The following MAP4K5 variants were observed in gnomAD, a reference collection of about 807,000 sequenced individuals.
MAP4K5 encodes mitogen-activated protein kinase kinase kinase kinase 5, also known as MAPK/ERK kinase kinase kinase 5.
In MAP4K5, 82 loss-of-function variants were observed where a neutral mutation model predicts 135.6. The ratio of observed to expected loss-of-function variants is 0.60; its 90% confidence interval spans 0.51 to 0.73. MAP4K5 has a LOEUF of 0.73. Among genes scored for constraint, MAP4K5 ranks in the 30% least tolerant of loss-of-function variants. MAP4K5 has a pLI of 0.00. For missense variants in MAP4K5, 907 were observed against 1,010.9 expected, an observed-to-expected ratio of 0.90 and a Z score of 1.39; for synonymous variants, 347 against 335.0, an observed-to-expected ratio of 1.04 and a Z score of -0.39.
chr14:50,442,909 CT>C, intron 20 of MAP4K5, 93 bp from the exon 21 acceptor site: 2 of 698,958 alleles, frequency 2.9e-6, no homozygotes, highest in Non-Finnish European at 4.8e-6. Context: ...ACCAAATTAA[CT>C]CTTATTTGCG....
In MAP4K5 at chr14:50,472,931, A is replaced by G. The variant is rs113654108; in HGVS notation, c.542+2146T>C. ...CATGCACATGAATATTATACAACTT[A>G]TAAATATATTGTGTTTATCAGTGGC... On this transcript the variant is annotated intron_variant, in intron 9 of 32. Coordinates refer to ENST00000682126, the MANE Select transcript of MAP4K5 (RefSeq NM_006575.6). 1.2e-4 allele frequency among the ~76,000 whole-genome samples: 18 copies of G among 152,322 alleles called. 1 individual carries two copies. Among genetic ancestry groups the G allele is most frequent in the African/African-American group, 4.3e-4 (18 of 41,582 alleles).
In MAP4K5 at chr14:50,423,915, T is replaced by A. The variant is rs562547202; in HGVS notation, c.2398-739A>T. Reference sequence around the variant, plus strand: ...ATGCTCAAGCCTCGTCATCTACAAATGAGTCAATTCTGAGGTGTATTTTAC... The same window carrying A: ...ATGCTCAAGCCTCGTCATCTACAAAAGAGTCAATTCTGAGGTGTATTTTAC... On this transcript the variant is annotated intron_variant, in intron 31 of 32. Coordinates refer to ENST00000682126, the MANE Select transcript of MAP4K5 (RefSeq NM_006575.6). 1.6e-3 allele frequency among the ~76,000 whole-genome samples: 241 copies of A among 152,290 alleles called. 3 individuals are homozygous for A. Among genetic ancestry groups the A allele is most frequent in the African/African-American group, 5.7e-3 (236 of 41,556 alleles).
At chr14:50,534,801 T>A (rs1165568744), upstream of MAP4K5, among the ~76,000 whole-genome samples, 2 of 152,276 alleles carry the variant, frequency 1.3e-5, no homozygotes, top group Non-Finnish European at 2.9e-5. Flanking sequence ...TAAGGATTTT[T>A]AAAATACTGG....
At chr14:50,485,452 T>C in intron 5 of MAP4K5, 126 bp downstream of exon 5, 1 of 623,312 alleles carries the variant, frequency 1.6e-6, no homozygotes, top group South Asian at 2.2e-5. Flanking sequence ...TGTTATGCAG[T>C]GCTCCGGGAA....
intron 3 of MAP4K5, among the ~76,000 whole-genome samples, chr14:50,489,568 T>C (rs776060755): frequency 6.6e-6 from 1 of 152,234 alleles, no homozygotes; most frequent in Non-Finnish European, 1.5e-5. Flanking sequence ...TTCCTGACTT[T>C]ACAGTTTGTG....
chr14:50,467,570 C>T (rs991825223), intron 10 of MAP4K5, among the ~76,000 whole-genome samples: 3 of 151,964 alleles, frequency 2.0e-5, no homozygotes, highest in South Asian at 4.1e-4. Context: ...AAATAATTGG[C>T]TTAAGAATTC....
At chr14:50,422,699 T>C (rs949129775) in intron 32 of MAP4K5, among the ~76,000 whole-genome samples, 1 of 152,128 alleles carries the variant, frequency 6.6e-6, no homozygotes, top group Non-Finnish European at 1.5e-5. Flanking sequence ...AAAGAGACCA[T>C]ATAATTCTTT....
chr14:50,502,569 C>T (rs920469661), intron 3 of MAP4K5, among the ~76,000 whole-genome samples: 77 of 152,054 alleles, frequency 5.1e-4, no homozygotes, highest in African/African-American at 1.8e-3. Flanking sequence ...AAATATCCTA[C>T]ATTAATCTAT....
At chr14:50,458,285 T>C (rs2036634143) in intron 13 of MAP4K5, among the ~76,000 whole-genome samples, 1 of 152,154 alleles carries the variant, frequency 6.6e-6, no homozygotes. Context: ...GGACTCTGCC[T>C]TTCCATCTTG....
chr14:50,425,973 G>A lies in MAP4K5; in HGVS notation c.2331C>T (p.Cys777=), dbSNP rs1423594884. 6.2e-7 allele frequency: 1 copy of A among 1,603,360 alleles called. No homozygotes were observed. Residue 777 remains cysteine, a synonymous_variant, in exon 31 of 33, where the codon TGC becomes TGT. Transcript: ENST00000682126. ...SFDFRIESVV[C]LQDSVLAFWK... is the part of the protein sequence containing the mutation. Reference sequence around the variant, plus strand: ...AGAAAGCCAACACACTGTCTTGAAGGCATACTAAAAATGATAAGGGAGAAG... The same window carrying A: ...AGAAAGCCAACACACTGTCTTGAAGACATACTAAAAATGATAAGGGAGAAG...
chr14:50,449,042 T>A (rs2036424318), intron 14 of MAP4K5: 1 of 475,210 alleles, frequency 2.1e-6, no homozygotes, highest in African/African-American at 2.1e-5. Context: ...CATCTCTACT[T>A]AATTCTTGTT....
At chr14:50,460,738 T>G (rs1161873639) in intron 13 of MAP4K5, among the ~76,000 whole-genome samples, 5 of 152,182 alleles carry the variant, frequency 3.3e-5, no homozygotes, top group African/African-American at 9.6e-5. Flanking sequence ...AAATAAAGAC[T>G]GGAGTTTAAA....
chr14:50,482,418 TA>T lies in MAP4K5; in HGVS notation c.323-3del. On this transcript the variant is annotated splice_region_variant and splice_polypyrimidine_tract_variant and intron_variant, in intron 5 of 32. Coordinates refer to ENST00000682126, the MANE Select transcript of MAP4K5 (RefSeq NM_006575.6). ...GCAATTCTGATAATGGTCCAGTAAC[TA>T]GAAAGAAAAAGAGACCACATTGTTA... The T allele has an allele frequency of 6.6e-7, 1 of 1,518,998 alleles. No homozygotes were observed. The highest frequency in any genetic ancestry group is 8.8e-7 in the Non-Finnish European group (1 of 1,132,246). 94.1% of individuals were successfully genotyped at this position (1,518,998 alleles called of 1,614,324 possible).
chr14:50,442,545 T>C (rs2036252266), intron 21 of MAP4K5, among the ~76,000 whole-genome samples, 187 bp downstream of exon 21: 1 of 152,114 alleles, frequency 6.6e-6, no homozygotes, highest in Non-Finnish European at 1.5e-5. Flanking sequence ...ATAGCTCCTA[T>C]ACACTCCTAA....
At chr14:50,432,303 G>T (rs560066493) in intron 28 of MAP4K5, among the ~76,000 whole-genome samples, 4 of 152,090 alleles carry the variant, frequency 2.6e-5, no homozygotes, top group Non-Finnish European at 5.9e-5. Context: ...TGTAAAAATG[G>T]GGAAACCTAA....
Position 50,486,176 on chromosome 14 carries a change from A to C in MAP4K5, c.185T>G (p.Ile62Ser). 1.5e-6 allele frequency: 2 copies of C among 1,319,972 alleles called. No homozygotes were observed. The highest frequency in any genetic ancestry group is 2.1e-6 in the Non-Finnish European group (2 of 953,124). The allele number at this position is 1,319,972 out of a possible 1,614,324, so 81.8% of individuals were successfully genotyped here. A position where few individuals can be genotyped will look rare whatever the true frequency, so the allele number is the denominator to read the frequency against. Residue 62 changes from isoleucine (I) to serine (S), a missense_variant, in exon 4 of 33, where the codon ATT (isoleucine) becomes AGT (serine). Ile to Ser is a moderately radical substitution (Grantham distance 142, BLOSUM62 -2). Coordinates refer to ENST00000682126, the MANE Select transcript of MAP4K5 (RefSeq NM_006575.6). ...KLEPGDDFSL[I>S]QQEIFMVKEC... ...TTTAACCATAAATATTTCTTGTTGA[A>C]TCAAAGAAAAATCATCTCCTGGAAA...
At chr14:50,532,380 G>T in intron 1 of MAP4K5, 68 bp downstream of exon 1, 1 of 273,186 alleles carries the variant, frequency 3.7e-6, no homozygotes, top group Non-Finnish European at 6.9e-6. Context: ...GCCAGCCGGG[G>T]CCCAGGGCCG....
intron 3 of MAP4K5, among the ~76,000 whole-genome samples, chr14:50,502,328 G>A (rs574977094): frequency 1.8e-4 from 27 of 152,202 alleles, no homozygotes; most frequent in African/African-American, 6.3e-4. Flanking sequence ...CAAAAACCAC[G>A]AAAAACATTT....
chr14:50,522,606 AT>A lies in MAP4K5; in HGVS notation c.108+9335del, dbSNP rs2038174820. ...ACATAACATTTATTTAATAAGAAAT[AT>A]AATTTAAAGTTTTTGAAGGACAATC... On this transcript the variant is annotated intron_variant, in intron 2 of 32. Coordinates refer to ENST00000682126, the MANE Select transcript of MAP4K5 (RefSeq NM_006575.6). 2.6e-5 allele frequency among the ~76,000 whole-genome samples: 4 copies of A among 152,294 alleles called. No homozygotes were observed. The South Asian group carries it at 8.3e-4, about 32-fold the overall frequency.
Sources: gnomAD v4.1 joint callset for allele counts (sites outside exome capture counted in the v4.1 genomes callset) on GRCh38, gnomAD v4.1.1 for gene constraint, MANE v1.5 for transcripts, NCBI Gene and HGNC (gene_info 2026-07-23, HGNC 2026-07-21) for gene names.